The following SLC25A21 variants were observed in gnomAD, a reference collection of about 807,000 sequenced individuals.
SLC25A21 encodes mitochondrial 2-oxodicarboxylate carrier.
In SLC25A21, 47 loss-of-function variants were observed where a neutral mutation model predicts 43.8. That is an observed-to-expected ratio of 1.07 (90% CI 0.85 to 1.37). The LOEUF (loss-of-function observed/expected upper bound fraction) is 1.37. SLC25A21 is among the 40% of genes most tolerant of loss of function. The pLI, the probability that SLC25A21 is intolerant of heterozygous loss-of-function variation, is 0.00. For missense variants in SLC25A21, 352 were observed against 350.2 expected, an observed-to-expected ratio of 1.00 and a Z score of -0.04; for synonymous variants, 131 against 121.3, an observed-to-expected ratio of 1.08 and a Z score of -0.52.
intron 1 of SLC25A21, among the ~76,000 whole-genome samples, chr14:36,974,629 T>C (rs955969583): frequency 3.3e-5 from 5 of 152,104 alleles, no homozygotes; most frequent in African/African-American, 7.2e-5. Context: ...TCAAAGGAAA[T>C]AGAGATTCTG....
intron 1 of SLC25A21, among the ~76,000 whole-genome samples, chr14:37,080,591 C>T (rs867215001): frequency 9.9e-5 from 15 of 152,140 alleles, no homozygotes; most frequent in African/African-American, 3.6e-4. Flanking sequence ...CAGAGCAAGA[C>T]CCTGCCTCAA....
chr14:36,945,691 T>C (rs995027210), intron 1 of SLC25A21, among the ~76,000 whole-genome samples: 2 of 152,182 alleles, frequency 1.3e-5, no homozygotes, highest in South Asian at 2.1e-4. Flanking sequence ...GAAAATAGAA[T>C]GTTGGCATCA....
At chr14:36,861,180 A>T (rs1890055099) in intron 2 of SLC25A21, among the ~76,000 whole-genome samples, 1 of 152,206 alleles carries the variant, frequency 6.6e-6, no homozygotes, top group Non-Finnish European at 1.5e-5. Flanking sequence ...ATTTTCCAAG[A>T]ATGTTAAACA....
chr14:36,877,890 G>A (rs1890590856), intron 1 of SLC25A21, among the ~76,000 whole-genome samples: 1 of 152,152 alleles, frequency 6.6e-6, no homozygotes. Context: ...CGAGGAGCCA[G>A]TGAAGGATTT....
At chr14:36,797,902 C>A (rs971705053) in intron 3 of SLC25A21, among the ~76,000 whole-genome samples, 1 of 152,156 alleles carries the variant, frequency 6.6e-6, no homozygotes, top group Non-Finnish European at 1.5e-5. Flanking sequence ...AGCTGTCAGT[C>A]CTCAATAAAC....
chr14:36,752,495 C>T (rs540733501), intron 3 of SLC25A21, among the ~76,000 whole-genome samples: 9 of 152,254 alleles, frequency 5.9e-5, no homozygotes, highest in South Asian at 4.1e-4. Context: ...TGAAAACAAC[C>T]CAAATATCCA....
At chr14:37,024,698 T>G (rs2138759085) in intron 1 of SLC25A21, among the ~76,000 whole-genome samples, 1 of 152,186 alleles carries the variant, frequency 6.6e-6, no homozygotes, top group South Asian at 2.1e-4. Flanking sequence ...TTGGCATCTT[T>G]CCTTTTCTGG....
intron 2 of SLC25A21, 83 bp downstream of exon 2, chr14:36,874,873 C>A: frequency 8.9e-7 from 1 of 1,128,788 alleles, no homozygotes. Flanking sequence ...CGGCCTGGGA[C>A]AAGTCCTAGC....
At chr14:36,924,912 C>T (rs1033915378) in intron 1 of SLC25A21, among the ~76,000 whole-genome samples, 1 of 152,048 alleles carries the variant, frequency 6.6e-6, no homozygotes, top group Non-Finnish European at 1.5e-5. Flanking sequence ...CATCTGCAGA[C>T]TTTAGTATCC....
chr14:37,170,707 G>T (rs1964108774), intron 1 of SLC25A21, among the ~76,000 whole-genome samples: 2 of 151,902 alleles, frequency 1.3e-5, no homozygotes, highest in South Asian at 4.2e-4. Flanking sequence ...GGGTCAGATT[G>T]CTTGAACCCA....
intron 1 of SLC25A21, among the ~76,000 whole-genome samples, chr14:37,073,901 C>T (rs1962225024): frequency 6.6e-6 from 1 of 150,634 alleles, no homozygotes; most frequent in Non-Finnish European, 1.5e-5. Context: ...CTATAGTGTC[C>T]AAAATGCTTT....
chr14:37,147,812 T>C (rs1020473703), intron 1 of SLC25A21, among the ~76,000 whole-genome samples: 10 of 150,374 alleles, frequency 6.7e-5, no homozygotes, highest in African/African-American at 2.4e-4. Context: ...TCACACATGG[T>C]AACTATATTT....
At chr14:36,851,511 G>T (rs1889734934) in intron 2 of SLC25A21, among the ~76,000 whole-genome samples, 2 of 152,166 alleles carry the variant, frequency 1.3e-5, no homozygotes, top group South Asian at 4.2e-4. Context: ...TGTTAGCTTG[G>T]GATAAGGCAG....
chr14:36,727,687 C>CA (rs71124776), intron 5 of SLC25A21, among the ~76,000 whole-genome samples: 36,286 of 144,770 alleles, frequency 0.25, 4,441 homozygotes, highest in Middle Eastern at 0.33. Flanking sequence ...GACTCTGTCT[C>CA]AAAAAAAAAG....
chr14:36,892,858 T>C lies in SLC25A21; in HGVS notation c.71-17854A>G, dbSNP rs187292239. Among the ~76,000 whole-genome samples the C allele has an allele frequency of 2.1e-3, 321 of 152,272 alleles. 1 individual carries two copies. Among genetic ancestry groups the C allele is most frequent in the African/African-American group, 6.6e-3 (273 of 41,560 alleles). ...ATGATGGTCTCTAGCTTCATCCATG[T>C]CCCTACAAAGGACATGAACTCATCC... On this transcript the variant is annotated intron_variant, in intron 1 of 9. Transcript: ENST00000331299.
intron 1 of SLC25A21, among the ~76,000 whole-genome samples, chr14:37,158,637 G>A (rs1963889429): frequency 6.6e-6 from 1 of 152,100 alleles, no homozygotes; most frequent in South Asian, 2.1e-4. Flanking sequence ...CTGAATAGCA[G>A]AAAGTTAAAA....
intron 8 of SLC25A21, among the ~76,000 whole-genome samples, chr14:36,684,528 A>C (rs1305653100): frequency 6.6e-6 from 1 of 152,192 alleles, no homozygotes; most frequent in African/African-American, 2.4e-5. Flanking sequence ...ATTCTAAGGC[A>C]AACAGGCAGC....
At chr14:36,759,147 T>A (rs1380986204) in intron 3 of SLC25A21, among the ~76,000 whole-genome samples, 2 of 152,190 alleles carry the variant, frequency 1.3e-5, no homozygotes, top group Non-Finnish European at 2.9e-5. Flanking sequence ...GATTTTTTTT[T>A]AAAACCCTGC....
intron 1 of SLC25A21, among the ~76,000 whole-genome samples, chr14:36,886,545 G>A (rs1890918455): frequency 6.6e-6 from 1 of 152,210 alleles, no homozygotes; most frequent in African/African-American, 2.4e-5. Flanking sequence ...TTAACTCACT[G>A]AAGAATTTAG....
Sources: allele counts gnomAD v4.1 joint callset (sites outside exome capture counted in the v4.1 genomes callset), GRCh38; gene constraint gnomAD v4.1.1; transcripts MANE v1.5; gene names NCBI Gene and HGNC (gene_info 2026-07-23, HGNC 2026-07-21).